The following GPR89B variants were observed in gnomAD, a reference collection of about 807,000 sequenced individuals.
The protein encoded by GPR89B is G protein-coupled receptor 89B.
Under a neutral mutation model 52.4 loss-of-function variants are expected in GPR89B, and 25 were observed. That is an observed-to-expected ratio of 0.48 (90% confidence interval 0.35 to 0.67). GPR89B has a LOEUF of 0.67. Ranked by LOEUF, GPR89B falls within the 30% of genes least tolerant of loss-of-function variation. The pLI, the probability that GPR89B is intolerant of heterozygous loss-of-function variation, is 0.01. For missense variants in GPR89B, 146 were observed against 450.2 expected, an observed-to-expected ratio of 0.32 and a Z score of 6.11; for synonymous variants, 52 against 151.2, an observed-to-expected ratio of 0.34 and a Z score of 4.81.
At chr1:147,996,529 G>T, downstream of GPR89B, 2 of 1,585,300 alleles carry the variant, frequency 1.3e-6, no homozygotes, top group Non-Finnish European at 1.7e-6. Context: ...ATACCTCTTT[G>T]ATGAATGAGC....
At chr1:147,952,752 G>T (rs1253377334) in intron 5 of GPR89B, among the ~76,000 whole-genome samples, 1 of 151,458 alleles carries the variant, frequency 6.6e-6, no homozygotes, top group Non-Finnish European at 1.5e-5. Context: ...GCATTCTCAC[G>T]TGATATGAAA....
chr1:147,971,058 G>A (rs1657424072), intron 10 of GPR89B, among the ~76,000 whole-genome samples: 1 of 151,314 alleles, frequency 6.6e-6, no homozygotes, highest in Non-Finnish European at 1.5e-5. Context: ...TTTAAAATCT[G>A]GATTCATTCA....
At chr1:147,991,711 G>A (rs1183481109) in intron 12 of GPR89B, among the ~76,000 whole-genome samples, 2 of 152,126 alleles carry the variant, frequency 1.3e-5, no homozygotes, top group East Asian at 1.9e-4. Flanking sequence ...TAACCATGTG[G>A]TTTTTGTCTT....
chr1:147,968,618 T>A, intron 8 of GPR89B: 1 of 583,168 alleles, frequency 1.7e-6, no homozygotes, highest in South Asian at 2.0e-5. Flanking sequence ...TGAAACTATC[T>A]GTTTGAGCTG....
intron 1 of GPR89B, among the ~76,000 whole-genome samples, chr1:147,934,057 T>G (rs1553247477): frequency 1.3e-5 from 2 of 150,826 alleles, no homozygotes; most frequent in Admixed American, 6.6e-5. Flanking sequence ...CCAAACCATG[T>G]GTAGTTCCCG....
intron 10 of GPR89B, among the ~76,000 whole-genome samples, chr1:147,979,467 C>T (rs1387358935): frequency 6.6e-6 from 1 of 152,070 alleles, no homozygotes; most frequent in East Asian, 1.9e-4. Flanking sequence ...ATTGTTATTC[C>T]TGCTCTTAGG....
intron 10 of GPR89B, among the ~76,000 whole-genome samples, chr1:147,975,561 A>T (rs1328396391): frequency 3.3e-5 from 5 of 151,716 alleles, no homozygotes; most frequent in African/African-American, 1.2e-4. Flanking sequence ...TTTCTTCTTT[A>T]TTAGTCTAGT....
chr1:148,017,771 A>AAAATG, the GPR89B span, among the ~76,000 whole-genome samples: 2 of 138,810 alleles, frequency 1.4e-5, no homozygotes, highest in Non-Finnish European at 3.1e-5. Flanking sequence ...AAAATAAAAT[A>AAAATG]AAATAAAGTT....
At chr1:148,011,107 G>A in the GPR89B span, 2 of 152,124 alleles carry the variant, frequency 1.3e-5, no homozygotes, top group African/African-American at 4.8e-5. Flanking sequence ...CGGGAGACCT[G>A]GGTTCAACTC....
intron 7 of GPR89B, among the ~76,000 whole-genome samples, chr1:147,962,824 G>A (rs1656700646): frequency 6.6e-6 from 1 of 150,966 alleles, no homozygotes; most frequent in Non-Finnish European, 1.5e-5. Context: ...CTGAACCCAG[G>A]AGGTGGAGGT....
intron 10 of GPR89B, among the ~76,000 whole-genome samples, chr1:147,978,012 C>T (rs1237146002): frequency 2.0e-5 from 3 of 151,594 alleles, no homozygotes; most frequent in Admixed American, 6.6e-5. Flanking sequence ...CAGCCTCAGC[C>T]TCAGCCCAGT....
intron 1 of GPR89B, among the ~76,000 whole-genome samples, chr1:147,934,282 C>T (rs1393624162): frequency 6.6e-6 from 1 of 151,976 alleles, no homozygotes; most frequent in African/African-American, 2.4e-5. Context: ...GCTCAAGTGG[C>T]CCTTCCACTT....
intron 12 of GPR89B, 77 bp from the exon 13 acceptor site, chr1:147,992,425 G>A (rs1659135098): frequency 3.5e-6 from 5 of 1,437,596 alleles, no homozygotes; most frequent in Non-Finnish European, 4.9e-6. Flanking sequence ...TTAATCAAAT[G>A]TTAACCATAT....
the GPR89B span, among the ~76,000 whole-genome samples, chr1:148,013,777 C>A: frequency 6.6e-6 from 1 of 152,018 alleles, no homozygotes; most frequent in African/African-American, 2.4e-5. Flanking sequence ...AAGAGACGTG[C>A]ATCCAACTCC....
downstream of GPR89B, among the ~76,000 whole-genome samples, chr1:147,997,126 C>G (rs1432776855): frequency 6.6e-6 from 1 of 152,176 alleles, no homozygotes; most frequent in Non-Finnish European, 1.5e-5. Context: ...ACTGACTAGC[C>G]GGTACCTCAT....
the GPR89B span, among the ~76,000 whole-genome samples, chr1:148,000,264 A>G: frequency 1.3e-5 from 2 of 151,182 alleles, no homozygotes; most frequent in Admixed American, 6.6e-5. Context: ...TATTTTCCAT[A>G]TCTCCTTTCA....
At chr1:147,995,961 G>A, downstream of GPR89B, 2 of 1,404,846 alleles carry the variant, frequency 1.4e-6, no homozygotes, top group Non-Finnish European at 2.0e-6. Context: ...TAAGAGGATA[G>A]ATGAGGAGCT....
chr1:147,973,592 C>G (rs1657626319), intron 10 of GPR89B, among the ~76,000 whole-genome samples: 1 of 151,666 alleles, frequency 6.6e-6, no homozygotes, highest in African/African-American at 2.4e-5. Context: ...GGATAGATTG[C>G]AAAAATTTTC....
the GPR89B span, among the ~76,000 whole-genome samples, chr1:148,019,404 A>G: frequency 6.6e-6 from 1 of 151,066 alleles, no homozygotes; most frequent in East Asian, 2.0e-4. Context: ...CAAGGACAAC[A>G]GACACTGGAG....
Sources: gnomAD v4.1 joint callset for allele counts (sites outside exome capture counted in the v4.1 genomes callset) on GRCh38, gnomAD v4.1.1 for gene constraint, MANE v1.5 for transcripts, NCBI Gene and HGNC (gene_info 2026-07-23, HGNC 2026-07-21) for gene names.